The following PLCE1 variants were observed in gnomAD, a reference collection of about 807,000 sequenced individuals.
The protein encoded by PLCE1 is phospholipase C epsilon 1, also known as 1-phosphatidylinositol 4,5-bisphosphate phosphodiesterase epsilon-1.
In PLCE1, 119 loss-of-function variants were observed where a neutral mutation model predicts 242.8. The ratio of observed to expected loss-of-function variants is 0.49; its 90% CI spans 0.42 to 0.57. PLCE1 has a LOEUF of 0.57. PLCE1 is among the 20% of genes least tolerant of loss of function. The probability of loss-of-function intolerance (pLI) is 0.00; values close to 1 mark genes in which losing one functional copy is unlikely to be tolerated. For missense variants in PLCE1, 2,441 were observed against 2,788.8 expected (o/e 0.88, Z 2.81); for synonymous variants, 945 against 1,017.4 (o/e 0.93, Z 1.35).
At chr10:94,102,311 T>A (rs2045569215) in intron 2 of PLCE1, among the ~76,000 whole-genome samples, 1 of 152,198 alleles carries the variant, frequency 6.6e-6, no homozygotes, top group Non-Finnish European at 1.5e-5. Context: ...CACACCCAAG[T>A]GTACCAATTT....
At chr10:94,276,720 A>G (rs1298766891) in intron 19 of PLCE1, among the ~76,000 whole-genome samples, 1 of 152,028 alleles carries the variant, frequency 6.6e-6, no homozygotes, top group African/African-American at 2.4e-5. Flanking sequence ...TCACCTCTTT[A>G]TTTTCTAAGT....
intron 4 of PLCE1, among the ~76,000 whole-genome samples, chr10:94,216,032 A>G (rs1471227506): frequency 1.3e-5 from 2 of 152,198 alleles, no homozygotes; most frequent in Non-Finnish European, 2.9e-5. Flanking sequence ...CCTGGGTTGG[A>G]ATCCCACCTT....
intron 29 of PLCE1, 113 bp from the exon 30 acceptor site, chr10:94,321,788 A>G: frequency 1.3e-6 from 1 of 742,626 alleles, no homozygotes; most frequent in East Asian, 2.7e-5. Flanking sequence ...ATGAGATATT[A>G]AGCTAAGAAG....
intron 8 of PLCE1, among the ~76,000 whole-genome samples, chr10:94,247,592 T>C (rs1399839773): frequency 6.6e-6 from 1 of 152,174 alleles, no homozygotes; most frequent in Admixed American, 6.5e-5. Flanking sequence ...TGCTGCCTAA[T>C]TGTAGAGGTG....
rs557083488 is a variant in PLCE1, at chr10:94,267,562, T to C, written c.4282-1367T>C. On this transcript the variant is annotated intron_variant, in intron 16 of 32. Transcript: ENST00000371380. ...TAAGCCCTGTTCTTCTCATCTAGAA[T>C]TTCCAGCCCAGGTTTTCCTCTTCTA... is the stretch of plus-strand genomic sequence containing the variant. Among the ~76,000 whole-genome samples, 3 of 152,320 alleles carry C rather than the reference T, an allele frequency of 2.0e-5. No homozygotes were observed. The East Asian group carries it at 5.8e-4, about 29-fold the overall frequency.
chr10:94,091,438 C>A (rs529158705), intron 2 of PLCE1, among the ~76,000 whole-genome samples: 1 of 152,300 alleles, frequency 6.6e-6, no homozygotes, highest in African/African-American at 2.4e-5. Context: ...GGTTACAACA[C>A]AGCTTCTGAG....
intron 22 of PLCE1, among the ~76,000 whole-genome samples, chr10:94,292,835 A>T (rs974709194): frequency 1.3e-5 from 2 of 152,154 alleles, no homozygotes; most frequent in African/African-American, 4.8e-5. Context: ...CTCTTTTTAC[A>T]TTGGAGCCAG....
chr10:94,083,144 G>A (rs1564671315), intron 2 of PLCE1, among the ~76,000 whole-genome samples: 1 of 152,168 alleles, frequency 6.6e-6, no homozygotes, highest in Admixed American at 6.5e-5. Flanking sequence ...TCTTGGTCAA[G>A]AATCTGAATG....
intron 22 of PLCE1, among the ~76,000 whole-genome samples, chr10:94,285,296 C>A (rs2052398996): frequency 6.6e-6 from 1 of 152,030 alleles, no homozygotes; most frequent in Admixed American, 6.6e-5. Flanking sequence ...ATCTCCTTTA[C>A]CGTTCATAAT....
chr10:94,150,817 G>A (rs980455068), intron 3 of PLCE1, among the ~76,000 whole-genome samples: 4 of 152,140 alleles, frequency 2.6e-5, no homozygotes, highest in African/African-American at 7.2e-5. Flanking sequence ...GAAGCCCTGG[G>A]GAGGCCTCTG....
In PLCE1 at chr10:94,172,871, G is replaced by C. The variant is rs575393407; in HGVS notation, c.1809+1375G>C. ...CTTTCTAACTGTAGCTCACTTTGCA[G>C]CCTCCATAGCTTGCCAATCAAAATC... On this transcript the variant is annotated intron_variant, in intron 4 of 32. Coordinates refer to ENST00000371380, the MANE Select transcript of PLCE1 (RefSeq NM_016341.4). Among the ~76,000 whole-genome samples the C allele has an allele frequency of 2.6e-5, 4 of 152,296 alleles. No individual in the cohort carries two copies. The East Asian group carries it at 7.7e-4, about 29-fold the overall frequency.
intron 3 of PLCE1, among the ~76,000 whole-genome samples, chr10:94,133,342 G>A (rs549989770): frequency 6.6e-6 from 1 of 152,298 alleles, no homozygotes; most frequent in Admixed American, 6.5e-5. Flanking sequence ...CCCATGAGCA[G>A]CAGACAGGCA....
intron 4 of PLCE1, among the ~76,000 whole-genome samples, chr10:94,184,380 G>A (rs1397577659): frequency 6.6e-6 from 1 of 152,184 alleles, no homozygotes; most frequent in Non-Finnish European, 1.5e-5. Context: ...CCAGGCTGGA[G>A]TGCAATGGCA....
intron 2 of PLCE1, among the ~76,000 whole-genome samples, chr10:94,043,163 C>T (rs1045745300): frequency 2.0e-5 from 3 of 152,190 alleles, no homozygotes; most frequent in African/African-American, 2.4e-5. Context: ...CCTCTTACTC[C>T]ATGCTCTAAA....
Position 94,316,708 on chromosome 10 carries a change from TCCAGAA to T in PLCE1, c.6295_6300del (p.Pro2099_Glu2100del). 7 of 1,614,028 alleles carry T rather than the reference TCCAGAA, an allele frequency of 4.3e-6. No individual in the cohort carries two copies. The highest frequency in any genetic ancestry group is 5.9e-6 in the Non-Finnish European group (7 of 1,179,954). ...TCATGCAAATTTTAAGCAGCTGGTT[TCCAGAA>T]GAGGGATACATGGGCAGGATTGTCT... On this transcript the variant is annotated inframe_deletion, in exon 29 of 33. Coordinates refer to ENST00000371380, the MANE Select transcript of PLCE1 (RefSeq NM_016341.4).
intron 1 of PLCE1, among the ~76,000 whole-genome samples, chr10:94,016,774 G>T (rs1308111542): frequency 6.6e-6 from 1 of 151,994 alleles, no homozygotes; most frequent in Middle Eastern, 3.2e-3. Flanking sequence ...AAATGTGTAG[G>T]TATGTATTAC....
chr10:94,270,613 A>C lies in PLCE1; in HGVS notation c.4506+11A>C, dbSNP rs919412087. On this transcript the variant is annotated intron_variant, in intron 18 of 32. Transcript: ENST00000371380. ...GCAGAAATTTTCAAGGTGAGCTCTC[A>C]ACAAAAAGGCAGGATGGTATGTTGG... is the stretch of plus-strand genomic sequence containing the variant. The C allele has an allele frequency of 6.8e-6, 10 of 1,470,268 alleles. No individual in the cohort carries two copies. Among genetic ancestry groups the C allele is most frequent in the Admixed American group, 5.0e-5 (3 of 59,828 alleles). 91.1% of individuals were successfully genotyped at this position (1,470,268 alleles called of 1,614,324 possible). A position where few individuals can be genotyped will look rare whatever the true frequency, so the allele number is the denominator to read the frequency against.
intron 4 of PLCE1, among the ~76,000 whole-genome samples, chr10:94,206,589 C>T (rs528367991): frequency 6.6e-6 from 1 of 152,320 alleles, no homozygotes; most frequent in African/African-American, 2.4e-5. Flanking sequence ...GTGGTTTGGG[C>T]CATACATCAA....
intron 3 of PLCE1, among the ~76,000 whole-genome samples, chr10:94,136,307 C>G (rs1212957762): frequency 6.6e-6 from 1 of 152,122 alleles, no homozygotes. Flanking sequence ...AGTTCTGGAG[C>G]TTACTGGTGG....
Sources: gnomAD v4.1 joint callset for allele counts (sites outside exome capture counted in the v4.1 genomes callset) on GRCh38, gnomAD v4.1.1 for gene constraint, MANE v1.5 for transcripts, NCBI Gene and HGNC (gene_info 2026-07-23, HGNC 2026-07-21) for gene names.